FGD5: variants seen among roughly 807,000 people sequenced by gnomAD.
FGD5 encodes FYVE, RhoGEF and PH domain containing 5.
In FGD5, 28 loss-of-function variants were observed where a neutral mutation model predicts 133.4. That is an observed-to-expected ratio of 0.21 (90% CI 0.16 to 0.29). The LOEUF (loss-of-function observed/expected upper bound fraction) is 0.29, where lower values mean the gene tolerates loss of function less well. FGD5 is among the 10% of genes least tolerant of loss of function. The pLI, the probability that FGD5 is intolerant of heterozygous loss-of-function variation, is 1.00. For synonymous variants in FGD5, 810 were observed against 776.5 expected, an observed-to-expected ratio of 1.04 and a Z score of -0.72; for missense variants, 1,858 against 1,895.2, an observed-to-expected ratio of 0.98 and a Z score of 0.36.
intron 18 of FGD5, among the ~76,000 whole-genome samples, chr3:14,927,687 G>A (rs2038831111): frequency 6.6e-6 from 1 of 152,168 alleles, no homozygotes; most frequent in African/African-American, 2.4e-5. Flanking sequence ...GCCCAGAGCT[G>A]ATGCAACTTG....
chr3:14,821,774 G>C (rs539626691), intron 1 of FGD5, 178 bp downstream of exon 1: 9 of 936,538 alleles, frequency 9.6e-6, no homozygotes, highest in Non-Finnish European at 1.4e-5. Context: ...CCGTGAAATG[G>C]GACTCATGCT....
chr3:14,875,462 A>C (rs2037698347), intron 2 of FGD5, among the ~76,000 whole-genome samples: 1 of 152,152 alleles, frequency 6.6e-6, no homozygotes, highest in Admixed American at 6.5e-5. Flanking sequence ...ACACACCCAG[A>C]GGTAGGAAAA....
At chr3:14,848,182 C>T (rs1001173897) in intron 1 of FGD5, among the ~76,000 whole-genome samples, 16 of 152,254 alleles carry the variant, frequency 1.1e-4, no homozygotes, top group African/African-American at 3.4e-4. Flanking sequence ...GGGCTGAGGG[C>T]GGTGCCTCTC....
At position 14,924,099 on chromosome 3, in the gene FGD5, C is replaced by G; in HGVS notation, c.4029C>G (p.Thr1343=). 6.2e-7 allele frequency: 1 copy of G among 1,614,022 alleles called. No individual in the cohort carries two copies. The highest frequency in any genetic ancestry group is 8.5e-7 in the Non-Finnish European group (1 of 1,179,892). The change falls in exon 17 of 20, where the codon ACC becomes ACG. Residue 1343 remains threonine, a synonymous_variant. Coordinates refer to ENST00000285046, the MANE Select transcript of FGD5 (RefSeq NM_152536.4). The part of the protein sequence containing the change: ...SSVFQSINPS[T]FKKQKKVPSA... ...TCTTCCAGAGCATTAACCCCTCGAC[C>G]TTCAAGAAGCAGAAGAAAGTCCCTT...
At chr3:14,846,934 AAGGTAAC>A (rs2037063526) in intron 1 of FGD5, among the ~76,000 whole-genome samples, 5 of 152,282 alleles carry the variant, frequency 3.3e-5, no homozygotes, top group Admixed American at 3.3e-4. Context: ...CTTAGAGCTG[AAGGTAAC>A]AGGTTTAGGA....
upstream of FGD5, among the ~76,000 whole-genome samples, chr3:14,814,287 C>G (rs763000796): frequency 2.0e-5 from 3 of 152,104 alleles, no homozygotes; most frequent in Non-Finnish European, 4.4e-5. Flanking sequence ...CCTACCATAC[C>G]CTAAAGCTCA....
chr3:14,933,016 A>G, intron 19 of FGD5, 115 bp from the exon 20 acceptor site: 2 of 1,237,352 alleles, frequency 1.6e-6, no homozygotes, highest in African/African-American at 1.5e-5. Flanking sequence ...CAATTACGAC[A>G]TGGTCCTTGA....
At chr3:14,902,259 G>A (rs2038253452) in intron 9 of FGD5, among the ~76,000 whole-genome samples, 1 of 149,270 alleles carries the variant, frequency 6.7e-6, no homozygotes, top group African/African-American at 2.5e-5. Context: ...TCCAGCCTGG[G>A]TGACAGAGTG....
intron 4 of FGD5, among the ~76,000 whole-genome samples, chr3:14,894,071 C>T (rs1292124065): frequency 6.6e-6 from 1 of 152,076 alleles, no homozygotes; most frequent in Non-Finnish European, 1.5e-5. Context: ...TTTCTTTTAT[C>T]ACAATGTATA....
chr3:14,853,075 AG>A (rs200891245), intron 1 of FGD5, among the ~76,000 whole-genome samples: 3,071 of 151,950 alleles, frequency 0.02, 92 homozygotes, highest in African/African-American at 0.07. Context: ...CAGGACCCCC[AG>A]TCCTCTTGGG....
chr3:14,909,128 C>T (rs1374063365), intron 10 of FGD5, among the ~76,000 whole-genome samples: 3 of 151,844 alleles, frequency 2.0e-5, no homozygotes, highest in African/African-American at 7.3e-5. Flanking sequence ...GCCACCATGC[C>T]TGGCTAATTT....
intron 11 of FGD5, among the ~76,000 whole-genome samples, chr3:14,914,940 G>A (rs377458831): frequency 7.9e-5 from 12 of 152,340 alleles, no homozygotes; most frequent in African/African-American, 2.9e-4. Context: ...TAGAAGGCAG[G>A]GCAAGAACAG....
chr3:14,875,617 AC>A (rs1420597363), intron 2 of FGD5, among the ~76,000 whole-genome samples: 11 of 152,088 alleles, frequency 7.2e-5, no homozygotes, highest in Non-Finnish European at 1.3e-4. Context: ...GGTGCAGGTG[AC>A]AGAAGGAGGC....
At chr3:14,901,276 C>T (rs1411422685) in intron 9 of FGD5, among the ~76,000 whole-genome samples, 1 of 152,246 alleles carries the variant, frequency 6.6e-6, no homozygotes, top group East Asian at 1.9e-4. Flanking sequence ...ACTGTTCAAA[C>T]AATGAGAGGA....
intron 2 of FGD5, among the ~76,000 whole-genome samples, chr3:14,866,345 A>G (rs557731485): frequency 6.6e-6 from 1 of 152,228 alleles, no homozygotes; most frequent in African/African-American, 2.4e-5. Flanking sequence ...GAGGGGGAGT[A>G]TGGAAAGAGA....
chr3:14,817,770 T>A (rs2125065860), upstream of FGD5, among the ~76,000 whole-genome samples: 1 of 152,254 alleles, frequency 6.6e-6, no homozygotes, highest in East Asian at 1.9e-4. Context: ...AGCTGGGAGA[T>A]TAGACCAGGC....
chr3:14,933,521 G>T lies in FGD5; in HGVS notation c.*354G>T. 3.9e-6 allele frequency: 1 copy of T among 253,184 alleles called. No individual in the cohort carries two copies. Among genetic ancestry groups the T allele is most frequent in the East Asian group, 8.7e-5 (1 of 11,514 alleles). The allele number at this position is 253,184 out of a possible 1,614,324, so 15.7% of individuals were successfully genotyped here. A position where few individuals can be genotyped will look rare whatever the true frequency, so the allele number is the denominator to read the frequency against. Reference sequence around the variant, plus strand: ...AATGCAGGCTTTTTAGTAGAAAGAAGCTCTTACAGTTTTTACTCATGATAA... The same window carrying T: ...AATGCAGGCTTTTTAGTAGAAAGAATCTCTTACAGTTTTTACTCATGATAA... On this transcript the variant is annotated 3_prime_UTR_variant, in exon 20 of 20. Coordinates refer to ENST00000285046, the MANE Select transcript of FGD5 (RefSeq NM_152536.4).
intron 19 of FGD5, 55 bp downstream of exon 19, chr3:14,932,786 G>A (rs1039782153): frequency 6.6e-5 from 104 of 1,577,018 alleles, no homozygotes; most frequent in Non-Finnish European, 8.8e-5. Context: ...AAGGCAACAA[G>A]TTGTTTCTTG....
chr3:14,856,318 C>T (rs1172037977), intron 1 of FGD5, among the ~76,000 whole-genome samples: 1 of 152,090 alleles, frequency 6.6e-6, no homozygotes, highest in Non-Finnish European at 1.5e-5. Context: ...GTGCCCCCAG[C>T]TTTATTCTTT....
Sources: gnomAD v4.1 joint callset for allele counts (sites outside exome capture counted in the v4.1 genomes callset) on GRCh38, gnomAD v4.1.1 for gene constraint, MANE v1.5 for transcripts, NCBI Gene and HGNC (gene_info 2026-07-23, HGNC 2026-07-21) for gene names.